The following ATP10B variants were observed in gnomAD, a reference collection of about 807,000 sequenced individuals.
The protein encoded by ATP10B is ATPase phospholipid transporting 10B (putative).
In ATP10B, 122 loss-of-function variants were observed where a neutral mutation model predicts 141.2. The ratio of observed to expected loss-of-function variants is 0.86; its 90% CI spans 0.75 to 1.00. The LOEUF (loss-of-function observed/expected upper bound fraction) is 1.00. Among genes scored for constraint, ATP10B ranks in the 50% least tolerant of loss-of-function variants. ATP10B has a pLI of 0.00. For synonymous variants in ATP10B, 685 were observed against 692.0 expected, an observed-to-expected ratio of 0.99 and a Z score of 0.16; for missense variants, 1,876 against 1,825.3, an observed-to-expected ratio of 1.03 and a Z score of -0.51.
At chr5:160,606,742 C>G (rs377179076) in intron 19 of ATP10B, 23 bp downstream of exon 19, 5 of 1,599,256 alleles carry the variant, frequency 3.1e-6, no homozygotes, top group African/African-American at 2.7e-5. Flanking sequence ...AAAGTGCCAC[C>G]CGCATCTCAG....
At chr5:160,747,772 G>T (rs146708990) in intron 2 of ATP10B, among the ~76,000 whole-genome samples, 5 of 152,260 alleles carry the variant, frequency 3.3e-5, no homozygotes, top group Admixed American at 2.6e-4. Context: ...TTGTTACAGA[G>T]GCCCTAGGAA....
the ATP10B span, among the ~76,000 whole-genome samples, chr5:160,878,485 C>T: frequency 6.6e-6 from 1 of 152,226 alleles, no homozygotes; most frequent in Non-Finnish European, 1.5e-5. Flanking sequence ...AAGGACACTT[C>T]ATGTCCAAAA....
chr5:160,584,008 G>A (rs750073533), intron 24 of ATP10B, among the ~76,000 whole-genome samples: 1 of 152,104 alleles, frequency 6.6e-6, no homozygotes, highest in Non-Finnish European at 1.5e-5. Context: ...TTGGCTCCCT[G>A]GCTTCAGCCC....
At chr5:160,777,603 G>A (rs1770426860) in intron 2 of ATP10B, among the ~76,000 whole-genome samples, 1 of 152,212 alleles carries the variant, frequency 6.6e-6, no homozygotes, top group African/African-American at 2.4e-5. Context: ...CACCGGATGT[G>A]TACAGAAGCT....
intron 6 of ATP10B, among the ~76,000 whole-genome samples, chr5:160,678,832 T>G (rs1372492731): frequency 6.6e-6 from 1 of 152,114 alleles, no homozygotes; most frequent in Non-Finnish European, 1.5e-5. Context: ...AGGCCACATA[T>G]TTGGTAAATG....
intron 3 of ATP10B, among the ~76,000 whole-genome samples, chr5:160,716,358 T>C (rs1467351302): frequency 2.0e-5 from 3 of 152,204 alleles, no homozygotes; most frequent in Non-Finnish European, 4.4e-5. Flanking sequence ...CATATAACTC[T>C]CATAACAACC....
intron 1 of ATP10B, among the ~76,000 whole-genome samples, chr5:160,832,631 T>C (rs76349582): frequency 3.9e-5 from 6 of 152,232 alleles, no homozygotes; most frequent in Non-Finnish European, 8.8e-5. Context: ...TGTAGACTGC[T>C]CTTAAGATAC....
the ATP10B span, among the ~76,000 whole-genome samples, chr5:160,900,443 C>T: frequency 6.6e-6 from 1 of 152,074 alleles, no homozygotes; most frequent in Non-Finnish European, 1.5e-5. Flanking sequence ...TTGCTGATGC[C>T]CTGCCTCTTG....
intron 13 of ATP10B, among the ~76,000 whole-genome samples, chr5:160,625,380 G>C (rs752073931): frequency 1.3e-5 from 2 of 152,078 alleles, no homozygotes; most frequent in Non-Finnish European, 2.9e-5. Flanking sequence ...GTGATAAAAG[G>C]GATTATGGAA....
chr5:160,758,857 C>T (rs1055856530), intron 2 of ATP10B, among the ~76,000 whole-genome samples: 12 of 152,164 alleles, frequency 7.9e-5, no homozygotes, highest in African/African-American at 2.7e-4. Context: ...ATCAACCCAA[C>T]CTTTTTATCA....
At chr5:160,651,368 C>A (rs753661809) in intron 7 of ATP10B, among the ~76,000 whole-genome samples, 26 of 152,122 alleles carry the variant, frequency 1.7e-4, no homozygotes, top group East Asian at 5.8e-4. Flanking sequence ...GGATGAAACA[C>A]AACTTGAGGT....
intron 4 of ATP10B, 70 bp downstream of exon 4, chr5:160,688,690 G>A: frequency 1.2e-6 from 1 of 841,560 alleles, no homozygotes; most frequent in Non-Finnish European, 1.4e-6. Context: ...CAAAGGAAAA[G>A]GTACCTATTC....
chr5:160,654,754 T>A (rs956751917), intron 7 of ATP10B, among the ~76,000 whole-genome samples: 4 of 152,200 alleles, frequency 2.6e-5, no homozygotes, highest in Non-Finnish European at 5.9e-5. Context: ...TTATTATTAT[T>A]CTGCAGCACT....
intron 3 of ATP10B, among the ~76,000 whole-genome samples, chr5:160,698,942 C>T (rs1015309728): frequency 4.6e-5 from 7 of 152,130 alleles, no homozygotes; most frequent in African/African-American, 1.7e-4. Context: ...CATGTCAGAC[C>T]CCCTGAATCA....
intron 18 of ATP10B, chr5:160,612,204 A>G (rs1299903598): frequency 2.0e-5 from 3 of 152,250 alleles, no homozygotes; most frequent in African/African-American, 7.2e-5. Context: ...GTGGCAGACC[A>G]GCTTGACATA....
chr5:160,651,989 G>A (rs1283811316), intron 7 of ATP10B, among the ~76,000 whole-genome samples: 3 of 152,098 alleles, frequency 2.0e-5, no homozygotes, highest in Admixed American at 6.6e-5. Flanking sequence ...TTTCAGATAT[G>A]ACTGGCAGTG....
chr5:160,798,844 G>A (rs899354820), intron 1 of ATP10B, among the ~76,000 whole-genome samples: 7 of 148,604 alleles, frequency 4.7e-5, no homozygotes, highest in African/African-American at 9.9e-5. Context: ...TCTGCCTCCC[G>A]GGTTTCAAGC....
intron 7 of ATP10B, among the ~76,000 whole-genome samples, chr5:160,664,465 G>C (rs181458152): frequency 3.1e-4 from 47 of 152,308 alleles, no homozygotes; most frequent in African/African-American, 1.1e-3. Context: ...TGGCATGCAA[G>C]CTAGTCAAAA....
the ATP10B span, among the ~76,000 whole-genome samples, chr5:160,885,532 T>C: frequency 5.3e-5 from 8 of 152,250 alleles, no homozygotes; most frequent in South Asian, 1.5e-3. Flanking sequence ...CTTACAGAAA[T>C]CATGAAAATA....
Sources: allele counts gnomAD v4.1 joint callset (sites outside exome capture counted in the v4.1 genomes callset), GRCh38; gene constraint gnomAD v4.1.1; transcripts MANE v1.5; gene names NCBI Gene and HGNC (gene_info 2026-07-23, HGNC 2026-07-21).